Variants in FRY observed in about 807,000 individuals in gnomAD.
FRY encodes FRY microtubule binding protein.
In FRY, 128 loss-of-function variants were observed where a neutral mutation model predicts 348.4. That is an observed-to-expected ratio of 0.37 (90% CI 0.32 to 0.43). The LOEUF (loss-of-function observed/expected upper bound fraction) is 0.43. FRY is among the 20% of genes least tolerant of loss of function. FRY has a pLI of 1.00. For missense variants in FRY, 2,736 were observed against 3,695.2 expected (o/e 0.74, Z 6.73); for synonymous variants, 1,370 against 1,374.7 (o/e 1.00, Z 0.08).
intron 53 of FRY, among the ~76,000 whole-genome samples, chr13:32,264,796 T>C (rs1395987463): frequency 6.6e-6 from 1 of 152,200 alleles, no homozygotes; most frequent in African/African-American, 2.4e-5. Flanking sequence ...GGGTAAAGCA[T>C]ACATGCAAAT....
At chr13:32,209,178 A>G (rs1884532450) in intron 32 of FRY, 69 bp downstream of exon 32, 4 of 1,546,308 alleles carry the variant, frequency 2.6e-6, no homozygotes, top group Admixed American at 3.3e-5. Context: ...GGGTTAGTCA[A>G]ACCCCGGGGA....
intron 2 of FRY, among the ~76,000 whole-genome samples, chr13:32,086,519 C>T (rs556238972): frequency 5.3e-4 from 81 of 152,130 alleles, no homozygotes; most frequent in Non-Finnish European, 1.0e-3. Context: ...TGAGTCTGTC[C>T]AGGTTTAATC....
intron 1 of FRY, 93 bp from the exon 2 acceptor site, chr13:32,078,741 G>T: frequency 1.0e-6 from 1 of 959,420 alleles, no homozygotes; most frequent in Non-Finnish European, 1.7e-6. Context: ...TTCTTGATAT[G>T]ATTCATATCC....
intron 1 of FRY, among the ~76,000 whole-genome samples, chr13:32,076,691 G>T (rs1875082332): frequency 6.6e-6 from 1 of 152,132 alleles, no homozygotes. Flanking sequence ...CAGAAATAAA[G>T]TCAGGGGACA....
chr13:32,215,277 T>C (rs1566139375), intron 35 of FRY, among the ~76,000 whole-genome samples: 1 of 152,278 alleles, frequency 6.6e-6, no homozygotes, highest in South Asian at 2.1e-4. Context: ...AGAAAATAAT[T>C]TGAATGTTCC....
At chr13:32,054,360 C>T (rs1873506285) in intron 1 of FRY, among the ~76,000 whole-genome samples, 1 of 151,948 alleles carries the variant, frequency 6.6e-6, no homozygotes, top group Non-Finnish European at 1.5e-5. Flanking sequence ...ATCAAGTGAT[C>T]ATTTTTTTAC....
At chr13:32,291,053 G>T (rs1347150860) in intron 59 of FRY, among the ~76,000 whole-genome samples, 2 of 152,142 alleles carry the variant, frequency 1.3e-5, no homozygotes, top group Middle Eastern at 3.4e-3. Context: ...GAGGTCAGGG[G>T]AGAGATCTGA....
At chr13:32,125,798 A>T (rs1004794996) in intron 7 of FRY, among the ~76,000 whole-genome samples, 1 of 152,238 alleles carries the variant, frequency 6.6e-6, no homozygotes, top group East Asian at 1.9e-4. Context: ...AATCCAGTTT[A>T]TCTACTCATC....
intron 16 of FRY, among the ~76,000 whole-genome samples, chr13:32,160,027 T>C (rs559425336): frequency 2.5e-4 from 38 of 152,166 alleles, no homozygotes; most frequent in Non-Finnish European, 5.1e-4. Flanking sequence ...GAAGACAACA[T>C]ATTATGTGTT....
intron 35 of FRY, among the ~76,000 whole-genome samples, chr13:32,216,622 C>T (rs1048025008): frequency 6.6e-6 from 1 of 152,228 alleles, no homozygotes; most frequent in Admixed American, 6.5e-5. Context: ...CATCACCCTG[C>T]TTTTGTTCCT....
intron 28 of FRY, among the ~76,000 whole-genome samples, chr13:32,190,865 A>G (rs568256067): frequency 3.3e-5 from 5 of 152,324 alleles, no homozygotes; most frequent in African/African-American, 1.2e-4. Flanking sequence ...TTTGAACACT[A>G]TAATCAAAGT....
chr13:32,044,295 T>A (rs1872901432), intron 1 of FRY, among the ~76,000 whole-genome samples: 1 of 152,228 alleles, frequency 6.6e-6, no homozygotes, highest in Non-Finnish European at 1.5e-5. Context: ...ATCTTATTGT[T>A]CAGATTTAGC....
chr13:32,247,036 T>C (rs1886848349), intron 47 of FRY, among the ~76,000 whole-genome samples: 2 of 151,858 alleles, frequency 1.3e-5, no homozygotes. Flanking sequence ...TTTTTTTCCC[T>C]CAAATTAAGG....
At chr13:32,040,355 T>G (rs1330324724) in intron 1 of FRY, among the ~76,000 whole-genome samples, 1 of 152,222 alleles carries the variant, frequency 6.6e-6, no homozygotes, top group South Asian at 2.1e-4. Flanking sequence ...CATTTTCTTA[T>G]ACGAAAGGAA....
intron 47 of FRY, among the ~76,000 whole-genome samples, chr13:32,246,699 G>C (rs1886823562): frequency 6.6e-6 from 1 of 152,216 alleles, no homozygotes; most frequent in Non-Finnish European, 1.5e-5. Flanking sequence ...CACCAGTAAG[G>C]GGCCATTGAG....
At chr13:32,150,922 T>C (rs1378558027) in intron 14 of FRY, among the ~76,000 whole-genome samples, 2 of 152,040 alleles carry the variant, frequency 1.3e-5, no homozygotes, top group Non-Finnish European at 2.9e-5. Flanking sequence ...AAAATGGGAG[T>C]TTCTGTCTGG....
At chr13:32,150,704 A>G (rs1880738474) in intron 14 of FRY, among the ~76,000 whole-genome samples, 1 of 152,178 alleles carries the variant, frequency 6.6e-6, no homozygotes, top group Non-Finnish European at 1.5e-5. Context: ...AAAATCAAAT[A>G]CATAGAGAGT....
At chr13:32,278,146 A>G (rs899203620) in intron 57 of FRY, among the ~76,000 whole-genome samples, 2 of 152,170 alleles carry the variant, frequency 1.3e-5, no homozygotes, top group African/African-American at 2.4e-5. Flanking sequence ...CCCCAATTGT[A>G]TGGAAGATTT....
At chr13:32,252,592 T>C (rs1887137516) in intron 50 of FRY, among the ~76,000 whole-genome samples, 1 of 152,110 alleles carries the variant, frequency 6.6e-6, no homozygotes, top group Non-Finnish European at 1.5e-5. Context: ...CCAGGTATTT[T>C]TGTTTCACCT....
Sources: gnomAD v4.1 joint callset for allele counts (sites outside exome capture counted in the v4.1 genomes callset) on GRCh38, gnomAD v4.1.1 for gene constraint, MANE v1.5 for transcripts, NCBI Gene and HGNC (gene_info 2026-07-23, HGNC 2026-07-21) for gene names.